The following GALNT2 variants were observed in gnomAD, a reference collection of about 807,000 sequenced individuals.
GALNT2 encodes the protein UDP-GalNAc:polypeptide N-acetylgalactosaminyltransferase 2.
GALNT2 carries 31 observed loss-of-function variants against 81.4 expected under a neutral mutation model. That is an observed-to-expected ratio of 0.38 (90% CI 0.29 to 0.51). GALNT2 has a LOEUF of 0.51. Among genes scored for constraint, GALNT2 ranks in the 20% least tolerant of loss-of-function variants. The pLI, the probability that GALNT2 is intolerant of heterozygous loss-of-function variation, is 0.87. For missense variants in GALNT2, 629 were observed against 765.7 expected, an observed-to-expected ratio of 0.82 and a Z score of 2.11; for synonymous variants, 303 against 287.4, an observed-to-expected ratio of 1.05 and a Z score of -0.55.
At position 230,070,266 on chromosome 1, in the gene GALNT2, C is replaced by A; in HGVS notation, c.126+2860C>A. 6.6e-6 allele frequency among the ~76,000 whole-genome samples: 1 copy of A among 152,296 alleles called. No individual in the cohort carries two copies. The highest frequency in any genetic ancestry group is 1.9e-4 in the East Asian group (1 of 5,188). ...ATACCCTTTCCCCCCATATTTTGCTCTTTCCCCCTAAATTGATGATTTGCA... is the reference window on the plus strand; with the variant it reads ...ATACCCTTTCCCCCCATATTTTGCTATTTCCCCCTAAATTGATGATTTGCA... On this transcript the variant is annotated intron_variant, in intron 1 of 15. Transcript: ENST00000366672. This position sits in a 1 kb window ranked among gnomAD's most constrained non-coding sequence, Gnocchi z 4.7.
chr1:230,132,460 C>T (rs1661398447), intron 1 of GALNT2, among the ~76,000 whole-genome samples: 1 of 152,176 alleles, frequency 6.6e-6, no homozygotes, highest in African/African-American at 2.4e-5. Flanking sequence ...CCTGTGAAAG[C>T]CCGCAGAGGC....
intron 10 of GALNT2, among the ~76,000 whole-genome samples, chr1:230,252,623 T>C (rs1165041127): frequency 6.6e-6 from 1 of 152,128 alleles, no homozygotes; most frequent in Non-Finnish European, 1.5e-5. Context: ...TTTTACTGAG[T>C]AATTATCCTC....
chr1:230,243,350 A>G lies in GALNT2; in HGVS notation c.652A>G (p.Lys218Glu). The change falls in exon 7 of 16, where the codon AAG becomes GAG. Residue 218 changes from lysine (K) to glutamate (E), a missense_variant. Coordinates refer to ENST00000366672, the MANE Select transcript of GALNT2 (RefSeq NM_004481.5). This position sits in a 1 kb window ranked among gnomAD's most constrained non-coding sequence, Gnocchi z 4.2. ...TCGGGGGGCCGATGCTGCCCAAGCCAAGGTCCTGACCTTCCTGGACAGTCA... is the reference window on the plus strand; with the variant it reads ...TCGGGGGGCCGATGCTGCCCAAGCCGAGGTCCTGACCTTCCTGGACAGTCA... ...RVRGADAAQAKVLTFLDSHCE... is the reference protein window; with the variant it reads ...RVRGADAAQAEVLTFLDSHCE... 6.2e-7 allele frequency: 1 copy of G among 1,611,478 alleles called. No individual in the cohort carries two copies. The highest frequency in any genetic ancestry group is 2.2e-5 in the East Asian group (1 of 44,808).
intron 8 of GALNT2, among the ~76,000 whole-genome samples, chr1:230,247,998 G>A (rs1006860270): frequency 6.6e-6 from 1 of 152,162 alleles, no homozygotes; most frequent in Non-Finnish European, 1.5e-5. Context: ...CATGATAAGA[G>A]CCAGCTCAGG....
intron 1 of GALNT2, among the ~76,000 whole-genome samples, chr1:230,100,172 ACT>A (rs1336161527): frequency 6.6e-6 from 1 of 151,958 alleles, no homozygotes; most frequent in Non-Finnish European, 1.5e-5. Flanking sequence ...TTGCTTAAAC[ACT>A]CTATGTTTTC....
At chr1:230,256,586 C>T (rs923998772) in intron 11 of GALNT2, among the ~76,000 whole-genome samples, 1 of 152,122 alleles carries the variant, frequency 6.6e-6, no homozygotes, top group Non-Finnish European at 1.5e-5. Flanking sequence ...CACAAGACAT[C>T]GTGACACAGA....
At chr1:230,090,645 T>TTGATC (rs1660042900) in intron 1 of GALNT2, among the ~76,000 whole-genome samples, 1 of 152,268 alleles carries the variant, frequency 6.6e-6, no homozygotes, top group Non-Finnish European at 1.5e-5. Context: ...ATGTGGTAAG[T>TTGATC]TGATCCAGGA....
At chr1:230,200,070 T>C (rs1280106167) in intron 2 of GALNT2, among the ~76,000 whole-genome samples, 5 of 148,352 alleles carry the variant, frequency 3.4e-5, no homozygotes, top group Admixed American at 6.7e-5. Context: ...TTCTTTTTTT[T>C]TTTTTTTTTT....
intron 10 of GALNT2, among the ~76,000 whole-genome samples, chr1:230,251,129 A>G (rs988476039): frequency 6.6e-6 from 1 of 152,134 alleles, no homozygotes; most frequent in African/African-American, 2.4e-5. Flanking sequence ...TGTGGTCTAT[A>G]TTGGTAGCCT....
intron 2 of GALNT2, among the ~76,000 whole-genome samples, chr1:230,201,513 C>G (rs1416367737): frequency 6.6e-6 from 1 of 152,216 alleles, no homozygotes; most frequent in African/African-American, 2.4e-5. Flanking sequence ...AATGGCCCTT[C>G]AATTGTGTAA....
chr1:230,139,172 C>G (rs1017302415), intron 1 of GALNT2, among the ~76,000 whole-genome samples: 5 of 152,210 alleles, frequency 3.3e-5, no homozygotes, highest in African/African-American at 1.2e-4. Context: ...CTTTACCCGG[C>G]TTTGGTCCCC....
chr1:230,118,370 G>C (rs114757559), intron 1 of GALNT2, among the ~76,000 whole-genome samples: 1 of 152,210 alleles, frequency 6.6e-6, no homozygotes, highest in Non-Finnish European at 1.5e-5. Flanking sequence ...AAATTCCAAC[G>C]AGTGCGCTCA....
intron 2 of GALNT2, among the ~76,000 whole-genome samples, chr1:230,200,311 C>T (rs2102704730): frequency 6.6e-6 from 1 of 152,310 alleles, no homozygotes; most frequent in South Asian, 2.1e-4. Context: ...ATCCACCTGC[C>T]TCGGCCTCCC....
chr1:230,229,660 TCAG>T (rs1664813991), intron 3 of GALNT2, among the ~76,000 whole-genome samples: 1 of 152,102 alleles, frequency 6.6e-6, no homozygotes, highest in Admixed American at 6.5e-5. Context: ...GAATTGATAA[TCAG>T]CAGAAAAGGG....
At position 230,281,623 on chromosome 1, in the gene GALNT2, T is replaced by C. The variant is rs1481666518; in HGVS notation, c.*2165T>C. On this transcript the variant is annotated 3_prime_UTR_variant, in exon 16 of 16. Transcript: ENST00000366672. ...CTAGGCCCTCTCAGCCTTCCTATCA[T>C]CCCACGTGTCTACCCAGACCCTTGT... The C allele has an allele frequency of 2.0e-5, 3 of 152,570 alleles. No homozygotes were observed. Among genetic ancestry groups the C allele is most frequent in the Non-Finnish European group, 4.4e-5 (3 of 68,068 alleles). 9.5% of individuals were successfully genotyped at this position (152,570 alleles called of 1,614,324 possible). A position where few individuals can be genotyped will look rare whatever the true frequency, so the allele number is the denominator to read the frequency against.
intron 15 of GALNT2, among the ~76,000 whole-genome samples, chr1:230,277,703 G>A (rs572011584): frequency 3.9e-5 from 6 of 152,286 alleles, no homozygotes; most frequent in African/African-American, 9.6e-5. Context: ...GGTGTTTCGC[G>A]CAGGTCGGGT....
At chr1:230,176,487 G>T (rs1662983268) in intron 1 of GALNT2, among the ~76,000 whole-genome samples, 1 of 152,140 alleles carries the variant, frequency 6.6e-6, no homozygotes, top group African/African-American at 2.4e-5. Flanking sequence ...TGGGGTGGGG[G>T]TTGAGAGGTG....
At chr1:230,221,586 A>G (rs1209002697) in intron 3 of GALNT2, among the ~76,000 whole-genome samples, 1 of 152,178 alleles carries the variant, frequency 6.6e-6, no homozygotes, top group Admixed American at 6.5e-5. Flanking sequence ...AGATTATGTT[A>G]ACTTTGTAAA....
Position 230,203,124 on chromosome 1 carries a change from C to G in GALNT2, c.221-13C>G. On this transcript the variant is annotated splice_polypyrimidine_tract_variant and intron_variant, in intron 2 of 15. Coordinates refer to ENST00000366672, the MANE Select transcript of GALNT2 (RefSeq NM_004481.5). ...TTTTCCCTCATCCCTACCCTCTGCTCTGCTCTTTTTAGGGAAAGTACGGTG... is the reference window on the plus strand; with the variant it reads ...TTTTCCCTCATCCCTACCCTCTGCTGTGCTCTTTTTAGGGAAAGTACGGTG... 1.2e-6 allele frequency: 2 copies of G among 1,612,268 alleles called. No individual in the cohort carries two copies. Among genetic ancestry groups the G allele is most frequent in the Non-Finnish European group, 1.7e-6 (2 of 1,178,518 alleles).
Sources: allele counts gnomAD v4.1 joint callset (sites outside exome capture counted in the v4.1 genomes callset), GRCh38; gene constraint gnomAD v4.1.1; non-coding constraint Gnocchi (gnomAD v3.1); transcripts MANE v1.5; gene names NCBI Gene and HGNC (gene_info 2026-07-23, HGNC 2026-07-21).